Variants in ISLR2 observed in about 807,000 individuals in gnomAD.
The protein encoded by ISLR2 is immunoglobulin superfamily containing leucine-rich repeat protein 2.
ISLR2 carries 16 observed loss-of-function variants against 25.5 expected under a neutral mutation model. That is an observed-to-expected ratio of 0.63 (90% CI 0.43 to 0.95). ISLR2 has a LOEUF of 0.95. Ranked by LOEUF, ISLR2 falls within the 40% of genes least tolerant of loss-of-function variation. The pLI is 0.00. For synonymous variants in ISLR2, 508 were observed against 486.6 expected, an observed-to-expected ratio of 1.04 and a Z score of -0.58; for missense variants, 883 against 1,030.7, an observed-to-expected ratio of 0.86 and a Z score of 1.96.
upstream of ISLR2, chr15:74,129,107 G>C (rs896297067): frequency 6.6e-6 from 3 of 455,240 alleles, no homozygotes; most frequent in South Asian, 1.6e-5. This position sits in a 1 kb window ranked among gnomAD's most constrained non-coding sequence, Gnocchi z 4.5. Flanking sequence ...GGCGGGGGGG[G>C]ACTCCAGGCC....
intron 2 of ISLR2, among the ~76,000 whole-genome samples, chr15:74,114,351 A>G (rs1438813044): frequency 6.6e-6 from 1 of 152,250 alleles, no homozygotes; most frequent in Non-Finnish European, 1.5e-5. Context: ...GAGAAGACAA[A>G]GACCAACAGT....
intron 2 of ISLR2, among the ~76,000 whole-genome samples, chr15:74,114,937 T>A (rs1009213203): frequency 3.3e-5 from 5 of 151,874 alleles, no homozygotes; most frequent in African/African-American, 1.2e-4. Context: ...GCTGGTAGAA[T>A]TTGTGAGGTA....
chr15:74,114,579 C>T (rs1048817075), intron 2 of ISLR2, among the ~76,000 whole-genome samples: 8 of 150,542 alleles, frequency 5.3e-5, no homozygotes, highest in African/African-American at 1.5e-4. Flanking sequence ...GCCGAGATGG[C>T]GCCACTTGGG....
At chr15:74,126,894 ATTTGTGTGTGTGTGTGTGTGTG>A (rs1449578648), upstream of ISLR2, 2 of 113,336 alleles carry the variant, frequency 1.8e-5, no homozygotes, top group Non-Finnish European at 3.7e-5. Flanking sequence ...TGGAGAGAAC[ATTTGTGTGTGTGTGTGTGTGTG>A]TGTGTGTGTG....
In ISLR2 at chr15:74,134,057, C is replaced by G; in HGVS notation, c.1303C>G (p.Pro435Ala). ...VSILGETETE[P>A]EEDTSEGEEA... ...CATTCTCGGGGAGACCGAGACGGAG[C>G]CGGAGGAGGACACAAGTGAGGGAGA... The change falls in exon 3 of 3, where the codon CCG becomes GCG. Residue 435 changes from proline (P) to alanine (A), a missense_variant. Coordinates refer to ENST00000453268, the MANE Select transcript of ISLR2 (RefSeq NM_020851.3). 1.2e-6 allele frequency: 2 copies of G among 1,613,624 alleles called. No individual in the cohort carries two copies. The highest frequency in any genetic ancestry group is 1.7e-6 in the Non-Finnish European group (2 of 1,179,828).
Position 74,134,307 on chromosome 15 carries a change from G to C in ISLR2, c.1553G>C (p.Gly518Ala). ...GGCCCTGGGCCCGGCGGGGCTGGCG[G>C]AGCCCCGCGACCCGGGCGGCGACCC... ...RWGPGPGGAG[G>A]APRPGRRPLR... The change falls in exon 3 of 3, where the codon GGA becomes GCA. Residue 518 changes from glycine (G) to alanine (A), a missense_variant. Transcript: ENST00000453268. 6.5e-7 allele frequency: 1 copy of C among 1,529,798 alleles called. No homozygotes were observed. The allele number at this position is 1,529,798 out of a possible 1,614,324, so 94.8% of individuals were successfully genotyped here.
chr15:74,103,043 G>A (rs1033112867), intron 1 of ISLR2, among the ~76,000 whole-genome samples: 1 of 149,666 alleles, frequency 6.7e-6, no homozygotes, highest in Non-Finnish European at 1.5e-5. Context: ...CCTGACCTCA[G>A]GTGATCCACC....
intron 2 of ISLR2, among the ~76,000 whole-genome samples, chr15:74,119,216 C>G (rs2072233914): frequency 6.6e-6 from 1 of 150,916 alleles, no homozygotes; most frequent in Non-Finnish European, 1.5e-5. Context: ...TAGCTGTACT[C>G]TTTTTTTTTC....
intron 2 of ISLR2, among the ~76,000 whole-genome samples, chr15:74,110,533 G>T (rs573081319): frequency 6.6e-6 from 1 of 152,160 alleles, no homozygotes; most frequent in Admixed American, 6.5e-5. Context: ...ACAATAAAAA[G>T]GGGACCAGGC....
At position 74,132,282 on chromosome 15, in the gene ISLR2, T is replaced by C. The variant is rs2072438551; in HGVS notation, c.-8-465T>C. On this transcript the variant is annotated intron_variant, in intron 2 of 2. Coordinates refer to ENST00000453268, the MANE Select transcript of ISLR2 (RefSeq NM_020851.3). This position sits in a 1 kb window ranked among gnomAD's most constrained non-coding sequence, Gnocchi z 4.3. ...TGAAGCCCCGCGTCTGTTTGTATTG[T>C]TGTGTGCCTGCATGGGCGTGTGTGC... 6.6e-6 allele frequency among the ~76,000 whole-genome samples: 1 copy of C among 152,190 alleles called. No individual in the cohort carries two copies. Among genetic ancestry groups the C allele is most frequent in the African/African-American group, 2.4e-5 (1 of 41,444 alleles).
chr15:74,119,298 C>T lies in ISLR2; in HGVS notation n.229-11909C>T, dbSNP rs192562715. On this transcript the variant is annotated intron_variant and non_coding_transcript_variant, in intron 2 of 3. Transcript: ENST00000561975. Reference sequence around the variant, plus strand: ...CAATCACAACTCACTGTACCCTTGACCTCTTGGGCCCAAGTGATCCTTCCA... The same window carrying T: ...CAATCACAACTCACTGTACCCTTGATCTCTTGGGCCCAAGTGATCCTTCCA... 3.6e-3 allele frequency among the ~76,000 whole-genome samples: 555 copies of T among 152,220 alleles called. 5 individuals are homozygous for T. The highest frequency in any genetic ancestry group is 0.012 in the Admixed American group (180 of 15,288).
At chr15:74,128,517 C>T (rs780012740), upstream of ISLR2, 1 of 456,634 alleles carries the variant, frequency 2.2e-6, no homozygotes, top group South Asian at 1.5e-5. Context: ...CCCTGGTCCT[C>T]GGGCCCCGAA....
chr15:74,134,139 G>A lies in ISLR2; in HGVS notation c.1385G>A (p.Gly462Glu). The change falls in exon 3 of 3, where the codon GGG becomes GAG. Residue 462 changes from glycine (G) to glutamate (E), a missense_variant. This residue lies in a region of ISLR2 where 612 missense variants were observed against 642.8 expected (regional missense o/e 0.95). Coordinates refer to ENST00000453268, the MANE Select transcript of ISLR2 (RefSeq NM_020851.3). Reference protein sequence around the residue: ...DPAEEQRCGNGDPSRYVSNHA... With the variant: ...DPAEEQRCGNEDPSRYVSNHA... ...GCGGAGGAGCAGCGCTGTGGCAACG[G>A]GGACCCCTCTCGGTACGTTTCTAAC... The A allele has an allele frequency of 6.2e-7, 1 of 1,613,592 alleles. No homozygotes were observed. Among genetic ancestry groups the A allele is most frequent in the Non-Finnish European group, 8.5e-7 (1 of 1,179,868 alleles).
In ISLR2 at chr15:74,136,148, G is replaced by A. The variant is rs1032906540; in HGVS notation, c.*1156G>A. The A allele has an allele frequency of 3.6e-5, 6 of 166,716 alleles. No homozygotes were observed. The highest frequency in any genetic ancestry group is 2.6e-4 in the Admixed American group (4 of 15,294). 10.3% of individuals were successfully genotyped at this position (166,716 alleles called of 1,614,324 possible). ...AGCGCCGCAGGACCGCGCGCCCCTT[G>A]GCGGCTGAGCCTGTGGACTTGGTCG... On this transcript the variant is annotated 3_prime_UTR_variant, in exon 3 of 3. Coordinates refer to ENST00000453268, the MANE Select transcript of ISLR2 (RefSeq NM_020851.3).
chr15:74,124,132 A>T (rs947838014), upstream of ISLR2, among the ~76,000 whole-genome samples: 6 of 150,898 alleles, frequency 4.0e-5, no homozygotes, highest in African/African-American at 1.5e-4. Flanking sequence ...AGATTGGTCT[A>T]AACTCCAGAT....
Position 74,135,199 on chromosome 15 carries a change from T to C in ISLR2, c.*207T>C. On this transcript the variant is annotated 3_prime_UTR_variant, in exon 3 of 3. Transcript: ENST00000453268. ...TGCTACCCACGGCTGCCATTCTCCCTGCGGGCTGAATCCCCTTCCCCGCCA... is the reference window on the plus strand; with the variant it reads ...TGCTACCCACGGCTGCCATTCTCCCCGCGGGCTGAATCCCCTTCCCCGCCA... 1 of 632,174 alleles carries C rather than the reference T, an allele frequency of 1.6e-6. No individual in the cohort carries two copies. The highest frequency in any genetic ancestry group is 2.8e-6 in the Non-Finnish European group (1 of 356,648). 39.2% of individuals were successfully genotyped at this position (632,174 alleles called of 1,614,324 possible).
Position 74,134,970 on chromosome 15 carries a change from A to G in ISLR2, c.2216A>G (p.Asn739Ser), listed in dbSNP as rs2141963648. The G allele has an allele frequency of 1.2e-6, 2 of 1,612,990 alleles. No homozygotes were observed. Among genetic ancestry groups the G allele is most frequent in the South Asian group, 2.2e-5 (2 of 91,042 alleles). Residue 739 changes from asparagine (N) to serine (S), a missense_variant, in exon 3 of 3, where the codon AAC (asparagine) becomes AGC (serine). Coordinates refer to ENST00000453268, the MANE Select transcript of ISLR2 (RefSeq NM_020851.3). ...AVNIAQEING[N>S]YRQTAG ...AACATCGCCCAGGAGATTAATGGCA[A>G]CTACAGGCAGACGGCAGGCTGAACC...
upstream of ISLR2, chr15:74,128,577 G>A: frequency 2.2e-6 from 1 of 456,678 alleles, no homozygotes; most frequent in Non-Finnish European, 4.4e-6. Flanking sequence ...GGAAGCTCTG[G>A]GCAGATAGCG....
At chr15:74,121,358 G>C (rs2072251291) in intron 2 of ISLR2, among the ~76,000 whole-genome samples, 1 of 152,172 alleles carries the variant, frequency 6.6e-6, no homozygotes, top group Non-Finnish European at 1.5e-5. Context: ...GCACTGCACG[G>C]GGTCACTCTT....
Sources: gnomAD v4.1 joint callset for allele counts (sites outside exome capture counted in the v4.1 genomes callset) on GRCh38, gnomAD v4.1.1 for gene constraint, gnomAD v4.1.1 regional missense constraint, Gnocchi (gnomAD v3.1) non-coding constraint, MANE v1.5 for transcripts, NCBI Gene and HGNC (gene_info 2026-07-23, HGNC 2026-07-21) for gene names.